BCHE: variants seen among roughly 807,000 people sequenced by gnomAD.
The protein encoded by BCHE is butyrylcholinesterase, also known as cholinesterase.
Under a neutral mutation model 51.3 loss-of-function variants are expected in BCHE, and 48 were observed. The ratio of observed to expected loss-of-function variants is 0.94; its 90% CI spans 0.74 to 1.19. BCHE has a LOEUF of 1.19. Among genes scored for constraint, BCHE ranks in the 50% most tolerant of loss-of-function variants. The probability of loss-of-function intolerance (pLI) is 0.00; values close to 1 mark genes in which losing one functional copy is unlikely to be tolerated. For missense variants in BCHE, 847 were observed against 708.2 expected, an observed-to-expected ratio of 1.20 and a Z score of -2.23; for synonymous variants, 251 against 238.0, an observed-to-expected ratio of 1.05 and a Z score of -0.50.
chr3:165,796,783 G>C (rs1041662531), intron 2 of BCHE, among the ~76,000 whole-genome samples: 13 of 152,024 alleles, frequency 8.6e-5, no homozygotes, highest in Non-Finnish European at 1.6e-4. Context: ...AAAACAAATT[G>C]GTTTCCAGTG....
chr3:165,816,128 C>CT (rs1714306630), intron 2 of BCHE, among the ~76,000 whole-genome samples: 1 of 151,486 alleles, frequency 6.6e-6, no homozygotes, highest in Non-Finnish European at 1.5e-5. Flanking sequence ...ATTTGTCATA[C>CT]TTTTTTGATG....
chr3:165,773,377 A>G lies in BCHE; in HGVS notation c.*5T>C, dbSNP rs1559998730. 1.2e-6 allele frequency: 2 copies of G among 1,609,578 alleles called. No individual in the cohort carries two copies. The highest frequency in any genetic ancestry group is 4.5e-5 in the East Asian group (2 of 44,626). ...AATATGTTCTATAAAGGGTAAATCTATTAATTAGAGACCCACACAACTTTC... is the reference window on the plus strand; with the variant it reads ...AATATGTTCTATAAAGGGTAAATCTGTTAATTAGAGACCCACACAACTTTC... On this transcript the variant is annotated 3_prime_UTR_variant, in exon 4 of 4. Transcript: ENST00000264381.
Position 165,830,855 on chromosome 3 carries a change from G to A in BCHE, c.179C>T (p.Pro60Leu). Residue 60 changes from proline (P) to leucine (L), a missense_variant, in exon 2 of 4, where the codon CCC (proline) becomes CTC (leucine). By Grantham distance (98) the Pro-to-Leu change is moderately conservative. Coordinates refer to ENST00000264381, the MANE Select transcript of BCHE (RefSeq NM_000055.4). ...GGTVTAFLGI[P>L]YAQPPLGRLR... Reference sequence around the variant, plus strand: ...TCTACCAAGAGGTGGCTGTGCATAGGGAATTCCAAGAAAGGCTGTTACCGT... The same window carrying A: ...TCTACCAAGAGGTGGCTGTGCATAGAGAATTCCAAGAAAGGCTGTTACCGT... The A allele has an allele frequency of 6.2e-7, 1 of 1,613,878 alleles. No homozygotes were observed. Among genetic ancestry groups the A allele is most frequent in the Middle Eastern group, 1.7e-4 (1 of 6,060 alleles).
chr3:165,836,306 G>A (rs1715186841), intron 1 of BCHE, among the ~76,000 whole-genome samples: 1 of 151,836 alleles, frequency 6.6e-6, no homozygotes, highest in African/African-American at 2.4e-5. Flanking sequence ...CTTAAACAAA[G>A]TAACTACTTA....
intron 2 of BCHE, among the ~76,000 whole-genome samples, chr3:165,809,922 T>C (rs1187075477): frequency 6.6e-6 from 1 of 152,166 alleles, no homozygotes; most frequent in African/African-American, 2.4e-5. Flanking sequence ...TATCACAGCT[T>C]ATGGGAAAAT....
intron 3 of BCHE, among the ~76,000 whole-genome samples, chr3:165,784,139 C>G (rs1242661209): frequency 6.6e-6 from 1 of 151,782 alleles, no homozygotes; most frequent in Non-Finnish European, 1.5e-5. Context: ...AAAAAAAATT[C>G]CAAAAACTTT....
chr3:165,803,749 A>T (rs1242308914), intron 2 of BCHE, among the ~76,000 whole-genome samples: 1 of 152,120 alleles, frequency 6.6e-6, no homozygotes, highest in Non-Finnish European at 1.5e-5. Flanking sequence ...TTTTAACTGA[A>T]GTGGGGAAGT....
chr3:165,830,288 A>C lies in BCHE; in HGVS notation c.746T>G (p.Ile249Ser). 1 of 1,613,994 alleles carries C rather than the reference A, an allele frequency of 6.2e-7. No homozygotes were observed. Among genetic ancestry groups the C allele is most frequent in the Non-Finnish European group, 8.5e-7 (1 of 1,179,926 alleles). The change falls in exon 2 of 4, where the codon ATT becomes AGT. Residue 249 changes from isoleucine to serine, a missense_variant. Ile to Ser is a moderately radical substitution (Grantham distance 142). Coordinates refer to ENST00000264381, the MANE Select transcript of BCHE (RefSeq NM_000055.4). Reference protein sequence around the residue: ...PGSHSLFTRAILQSGSFNAPW... With the variant: ...PGSHSLFTRASLQSGSFNAPW... ...AGCATTAAAGGATCCACTTTGCAGA[A>C]TGGCTCTGGTGAACAATGAATGGCT...
chr3:165,785,764 A>G (rs921526975), intron 3 of BCHE, among the ~76,000 whole-genome samples: 2 of 151,552 alleles, frequency 1.3e-5, no homozygotes, highest in Non-Finnish European at 3.0e-5. Flanking sequence ...CAATTTATGC[A>G]TCTTATTTTT....
At chr3:165,773,584 A>G in intron 3 of BCHE, 78 bp from the exon 4 acceptor site, 1 of 1,327,640 alleles carries the variant, frequency 7.5e-7, no homozygotes, top group Middle Eastern at 2.0e-4. Flanking sequence ...CGAATACAAA[A>G]GCCATTTTCT....
intron 2 of BCHE, among the ~76,000 whole-genome samples, chr3:165,787,449 A>G (rs1378533735): frequency 6.6e-6 from 1 of 151,878 alleles, no homozygotes; most frequent in African/African-American, 2.4e-5. Flanking sequence ...GAACTACAAC[A>G]TAAGATAGCA....
At position 165,786,273 on chromosome 3, in the gene BCHE, G is replaced by C. The variant is rs1322860279; in HGVS notation, c.1556C>G (p.Pro519Arg). The C allele has an allele frequency of 6.2e-7, 1 of 1,611,818 alleles. No homozygotes were observed. The highest frequency in any genetic ancestry group is 8.5e-7 in the Non-Finnish European group (1 of 1,178,564). Residue 519 changes from proline (P) to arginine (R), a missense_variant, in exon 3 of 4, where the codon CCT becomes CGT. Physicochemically the swap from Pro to Arg is moderately radical, Grantham distance 103. Coordinates refer to ENST00000264381, the MANE Select transcript of BCHE (RefSeq NM_000055.4). ...NETQNNSTSWPVFKSTEQKYL... is the reference protein window; with the variant it reads ...NETQNNSTSWRVFKSTEQKYL... Reference sequence around the variant, plus strand: ...TTTTTGTTCAGTGCTTTTGAAGACAGGCCAGCTTGTGCTATTGTTCTGAGT... The same window carrying C: ...TTTTTGTTCAGTGCTTTTGAAGACACGCCAGCTTGTGCTATTGTTCTGAGT...
chr3:165,798,669 T>A (rs943085801), intron 2 of BCHE, among the ~76,000 whole-genome samples: 4 of 152,098 alleles, frequency 2.6e-5, no homozygotes, highest in African/African-American at 9.7e-5. Context: ...ATTAAAAAAA[T>A]TGATATTACT....
At chr3:165,783,555 C>T (rs1325032082) in intron 3 of BCHE, among the ~76,000 whole-genome samples, 1 of 151,976 alleles carries the variant, frequency 6.6e-6, no homozygotes, top group Non-Finnish European at 1.5e-5. Context: ...TCAAAGTAAC[C>T]AGTTCAAAGG....
At chr3:165,812,037 A>T (rs928401432) in intron 2 of BCHE, among the ~76,000 whole-genome samples, 2 of 152,036 alleles carry the variant, frequency 1.3e-5, no homozygotes, top group Admixed American at 6.6e-5. Flanking sequence ...TGAAGGCTGT[A>T]TACTAAAGAC....
Position 165,810,972 on chromosome 3 carries a change from T to C in BCHE, c.1517+18545A>G, listed in dbSNP as rs1714070920. 1.3e-5 allele frequency among the ~76,000 whole-genome samples: 2 copies of C among 152,142 alleles called. 1 individual carries two copies. The highest frequency in any genetic ancestry group is 4.8e-5 in the African/African-American group (2 of 41,438). The stretch of plus-strand genomic sequence containing the variant: ...TACGTAGTGGAGTGAAGTATCCTTT[T>C]TCTTCTACATCTTATTGGAGTTATA... On this transcript the variant is annotated intron_variant, in intron 2 of 3. Coordinates refer to ENST00000264381, the MANE Select transcript of BCHE (RefSeq NM_000055.4).
intron 3 of BCHE, among the ~76,000 whole-genome samples, chr3:165,783,235 A>G (rs1214159173): frequency 6.6e-6 from 1 of 152,128 alleles, no homozygotes; most frequent in Non-Finnish European, 1.5e-5. Flanking sequence ...TATGCAATAA[A>G]TCTCAATCAT....
intron 2 of BCHE, among the ~76,000 whole-genome samples, chr3:165,816,469 A>C (rs2108225525): frequency 6.6e-6 from 1 of 151,420 alleles, no homozygotes; most frequent in African/African-American, 2.4e-5. Flanking sequence ...GACTTCCCTG[A>C]TCCACTTTAG....
At chr3:165,801,093 C>T (rs1713623907) in intron 2 of BCHE, among the ~76,000 whole-genome samples, 1 of 152,078 alleles carries the variant, frequency 6.6e-6, no homozygotes, top group African/African-American at 2.4e-5. Context: ...CTTTTGCAAA[C>T]AAACAGAAAC....
Sources: gnomAD v4.1 joint callset for allele counts (sites outside exome capture counted in the v4.1 genomes callset) on GRCh38, gnomAD v4.1.1 for gene constraint, MANE v1.5 for transcripts, NCBI Gene and HGNC (gene_info 2026-07-23, HGNC 2026-07-21) for gene names.